TECPR2: variants seen among roughly 807,000 people sequenced by gnomAD.
TECPR2 encodes the protein tectonin beta-propeller repeat containing 2.
A neutral mutation model predicts 138.1 loss-of-function variants in TECPR2; 65 were observed. The ratio of observed to expected loss-of-function variants is 0.47; its 90% CI spans 0.39 to 0.58. The LOEUF is 0.58. Ranked by LOEUF, TECPR2 falls within the 20% of genes least tolerant of loss-of-function variation. The pLI is 0.00. For synonymous variants in TECPR2, 746 were observed against 749.8 expected (o/e 0.99, Z 0.08); for missense variants, 1,553 against 1,824.5 (o/e 0.85, Z 2.71).
intron 7 of TECPR2, 137 bp from the exon 8 acceptor site, chr14:102,431,659 A>G (rs558105112): frequency 2.0e-5 from 19 of 944,010 alleles, no homozygotes; most frequent in South Asian, 1.2e-4. Flanking sequence ...GCTGGTTTCT[A>G]TGAATTTAGA....
intron 17 of TECPR2, among the ~76,000 whole-genome samples, chr14:102,474,578 C>T (rs559832862): frequency 3.3e-4 from 50 of 152,260 alleles, no homozygotes; most frequent in African/African-American, 1.1e-3. Flanking sequence ...GAGCCGAGAT[C>T]GCGCCATTGC....
At chr14:102,377,150 T>G (rs573027943) in intron 2 of TECPR2, among the ~76,000 whole-genome samples, 6 of 152,318 alleles carry the variant, frequency 3.9e-5, no homozygotes, top group Non-Finnish European at 4.4e-5. Context: ...TCCAAAAATC[T>G]AACATCACTT....
chr14:102,386,630 G>T (rs1379335440), intron 2 of TECPR2, among the ~76,000 whole-genome samples: 2 of 152,130 alleles, frequency 1.3e-5, no homozygotes, highest in African/African-American at 4.8e-5. Flanking sequence ...TAGGGATTAA[G>T]ATTGGGATGG....
chr14:102,431,760 G>A (rs1889497508), intron 7 of TECPR2, 36 bp from the exon 8 acceptor site: 1 of 1,515,050 alleles, frequency 6.6e-7, no homozygotes, highest in African/African-American at 1.4e-5. Flanking sequence ...CTCTCTCTTG[G>A]ATCACCAGTG....
At chr14:102,471,149 A>G (rs912978191) in intron 17 of TECPR2, among the ~76,000 whole-genome samples, 5 of 151,732 alleles carry the variant, frequency 3.3e-5, no homozygotes, top group African/African-American at 1.2e-4. Flanking sequence ...ATAGGGTTTC[A>G]CTATGTTGGC....
chr14:102,452,508 A>G lies in TECPR2; in HGVS notation c.3521A>G (p.Tyr1174Cys), dbSNP rs767911807. 38 of 1,612,810 alleles carry G rather than the reference A, an allele frequency of 2.4e-5. No individual in the cohort carries two copies. The East Asian group carries it at 6.5e-4, about 27-fold the overall frequency. The change falls in exon 16 of 20, where the codon TAT becomes TGT. Residue 1174 changes from tyrosine (Y) to cysteine (C), a missense_variant. Transcript: ENST00000359520. Reference protein sequence around the residue: ...QLPPEAEMRAYAACQDALWAL... With the variant: ...QLPPEAEMRACAACQDALWAL... ...CCTCCCGAAGCCGAGATGCGCGCCT[A>G]TGCCGCCTGCCAGGATGCGCTGTGG...
chr14:102,471,378 T>C (rs1385765368), intron 17 of TECPR2, among the ~76,000 whole-genome samples: 1 of 152,170 alleles, frequency 6.6e-6, no homozygotes, highest in African/African-American at 2.4e-5. Flanking sequence ...TTTATTTCTG[T>C]GAAATTGGTA....
chr14:102,408,339 A>T (rs1240286436), intron 3 of TECPR2, 149 bp from the exon 4 acceptor site: 3 of 803,958 alleles, frequency 3.7e-6, no homozygotes, highest in Non-Finnish European at 5.6e-6. Context: ...AGACAGATGG[A>T]ACTTTGTGCA....
chr14:102,407,269 T>C (rs1418582157), intron 2 of TECPR2, 69 bp from the exon 3 acceptor site: 2 of 1,516,472 alleles, frequency 1.3e-6, no homozygotes, highest in African/African-American at 2.8e-5. Context: ...CCTTTAGTAA[T>C]GTCCTCCTTG....
chr14:102,436,981 CT>C, intron 9 of TECPR2: 1 of 985,408 alleles, frequency 1.0e-6, no homozygotes, highest in African/African-American at 1.7e-5. Context: ...GATCCTGGCC[CT>C]TTGAGCCCCT....
chr14:102,488,872 C>T (rs1452022951), intron 17 of TECPR2, among the ~76,000 whole-genome samples: 1 of 151,730 alleles, frequency 6.6e-6, no homozygotes, highest in Non-Finnish European at 1.5e-5. Context: ...TATATAGTTC[C>T]AGAACATTCT....
At position 102,434,579 on chromosome 14, in the gene TECPR2, G is replaced by T; in HGVS notation, c.1762G>T (p.Asp588Tyr). ...GRELLNGARE[D>Y]VGGSDVTGLG... ...GGAGCTGCTCAATGGAGCGAGGGAA[G>T]ATGTGGGAGGCAGTGATGTCACGGG... is the stretch of plus-strand genomic sequence containing the variant. The change falls in exon 9 of 20, where the codon GAT becomes TAT. Residue 588 changes from aspartate (D) to tyrosine (Y), a missense_variant. By Grantham distance (160) the Asp-to-Tyr change is radical (BLOSUM62 -3). Coordinates refer to ENST00000359520, the MANE Select transcript of TECPR2 (RefSeq NM_014844.5). 6.4e-7 allele frequency: 1 copy of T among 1,560,316 alleles called. No homozygotes were observed.
At chr14:102,399,421 G>A (rs138530509) in intron 2 of TECPR2, among the ~76,000 whole-genome samples, 63 of 152,238 alleles carry the variant, frequency 4.1e-4, no homozygotes, top group African/African-American at 1.1e-3. Flanking sequence ...ATTCCCAGGT[G>A]AACAAAAATG....
At chr14:102,426,718 G>C (rs572212916) in intron 6 of TECPR2, among the ~76,000 whole-genome samples, 2 of 152,168 alleles carry the variant, frequency 1.3e-5, no homozygotes. Context: ...AATTAGCCAG[G>C]CATGGTGGTG....
chr14:102,494,955 G>C (rs759882687), intron 17 of TECPR2, among the ~76,000 whole-genome samples: 1 of 152,170 alleles, frequency 6.6e-6, no homozygotes, highest in Non-Finnish European at 1.5e-5. Flanking sequence ...GCTCACGCCT[G>C]TAATCTCAGC....
At chr14:102,401,854 T>A (rs542684887) in intron 2 of TECPR2, among the ~76,000 whole-genome samples, 1 of 148,806 alleles carries the variant, frequency 6.7e-6, no homozygotes, top group South Asian at 2.1e-4. Flanking sequence ...ATCCAAATGT[T>A]GCTGGTGAAA....
chr14:102,388,675 A>C (rs1888085514), intron 2 of TECPR2, among the ~76,000 whole-genome samples: 1 of 145,756 alleles, frequency 6.9e-6, no homozygotes, highest in Non-Finnish European at 1.5e-5. Context: ...AAAAATACAA[A>C]AAAAAGGCCG....
chr14:102,418,068 G>T (rs1272387897), intron 5 of TECPR2, among the ~76,000 whole-genome samples: 1 of 152,134 alleles, frequency 6.6e-6, no homozygotes, highest in African/African-American at 2.4e-5. Context: ...GGACATAAGG[G>T]GTTTGACGGG....
chr14:102,382,802 A>T (rs1032578506), intron 2 of TECPR2, among the ~76,000 whole-genome samples: 25 of 151,664 alleles, frequency 1.6e-4, no homozygotes, highest in Admixed American at 5.3e-4. Context: ...CTTGTTGCCC[A>T]GGCTGGAGTG....
Sources: allele counts gnomAD v4.1 joint callset (sites outside exome capture counted in the v4.1 genomes callset), GRCh38; gene constraint gnomAD v4.1.1; transcripts MANE v1.5; gene names NCBI Gene and HGNC (gene_info 2026-07-23, HGNC 2026-07-21).